GPRC5C: variants seen among roughly 807,000 people sequenced by gnomAD.
GPRC5C encodes the protein G protein-coupled receptor family C group 5 member C.
In GPRC5C, 22 loss-of-function variants were observed where a neutral mutation model predicts 31.4. That is an observed-to-expected ratio of 0.70 (90% confidence interval 0.50 to 1.00). The LOEUF (loss-of-function observed/expected upper bound fraction) is 1.00, where lower values mean the gene tolerates loss of function less well. Ranked by LOEUF, GPRC5C falls within the 50% of genes least tolerant of loss-of-function variation. GPRC5C has a pLI of 0.00. For synonymous variants in GPRC5C, 249 were observed against 257.5 expected, an observed-to-expected ratio of 0.97 and a Z score of 0.32; for missense variants, 557 against 597.2, an observed-to-expected ratio of 0.93 and a Z score of 0.70.
downstream of GPRC5C, chr17:74,448,724 G>T: frequency 2.1e-6 from 1 of 486,008 alleles, no homozygotes; most frequent in Non-Finnish European, 3.9e-6. Flanking sequence ...AGGTGGGAAG[G>T]ACTAGTATTC....
At chr17:74,432,692 G>A (rs541362236) in intron 1 of GPRC5C, among the ~76,000 whole-genome samples, 1 of 152,156 alleles carries the variant, frequency 6.6e-6, no homozygotes, top group South Asian at 2.1e-4. Flanking sequence ...GGGGACTGGG[G>A]GGGTGGGGGA....
rs1259467011 is a variant in GPRC5C, at chr17:74,436,007, CA to C, written c.-32-3735del. On this transcript the variant is annotated intron_variant, in intron 1 of 3. Transcript: ENST00000392627. ...AAACTGGAATGAATGTGCCCCCCAA[CA>C]AATCGATTGCCTGTGCATTTTTGCC... Among the ~76,000 whole-genome samples, 4 of 152,186 alleles carry C rather than the reference CA, an allele frequency of 2.6e-5. No homozygotes were observed. In the South Asian group the frequency reaches 6.2e-4, roughly 24 times the overall value.
At chr17:74,444,044 C>G (rs2055587217) in intron 3 of GPRC5C, 132 bp downstream of exon 3, 1 of 664,068 alleles carries the variant, frequency 1.5e-6, no homozygotes, top group Admixed American at 2.9e-5. Context: ...GCTTCTCCAT[C>G]TGGTGCTTTT....
downstream of GPRC5C, chr17:74,448,893 CCTCT>C: frequency 7.8e-7 from 1 of 1,289,850 alleles, no homozygotes; most frequent in Non-Finnish European, 1.0e-6. Flanking sequence ...CGTCCAGCAG[CCTCT>C]CTCCGTGGCC....
intron 1 of GPRC5C, chr17:74,433,817 C>A (rs1017730583): frequency 8.0e-7 from 1 of 1,253,662 alleles, no homozygotes; most frequent in African/African-American, 1.5e-5. Flanking sequence ...AGTGCGGTAT[C>A]CTTGGCCCTG....
At chr17:74,433,689 TA>T in intron 1 of GPRC5C, 2 of 1,608,494 alleles carry the variant, frequency 1.2e-6, no homozygotes, top group South Asian at 2.2e-5. Flanking sequence ...TGCTCTGTGG[TA>T]TCCCTGGGGG....
At position 74,440,244 on chromosome 17, in the gene GPRC5C, C is replaced by G. The variant is rs2055508662; in HGVS notation, c.468C>G (p.Ile156Met). The change falls in exon 2 of 4, where the codon ATC (isoleucine) becomes ATG (methionine). Residue 156 changes from isoleucine (I) to methionine (M), a missense_variant. Transcript: ENST00000392627. The surrounding 1 kb of genome is among the most constrained non-coding windows in gnomAD (Gnocchi z 4.4). Reference protein sequence around the residue: ...RKNHGPRGWVIFTVALLLTLV... With the variant: ...RKNHGPRGWVMFTVALLLTLV... ...ACCACGGGCCCCGGGGCTGGGTGAT[C>G]TTCACTGTGGCTCTGCTGCTGACCC... 2 of 1,614,094 alleles carry G rather than the reference C, an allele frequency of 1.2e-6. No homozygotes were observed. Among genetic ancestry groups the G allele is most frequent in the Middle Eastern group, 1.6e-4 (1 of 6,084 alleles).
chr17:74,443,507 G>T (rs2055575962), intron 2 of GPRC5C: 1 of 521,450 alleles, frequency 1.9e-6, no homozygotes, highest in Non-Finnish European at 3.7e-6. Flanking sequence ...GGCGGATGGG[G>T]ATGTGGAAGT....
In GPRC5C at chr17:74,433,798, T is replaced by C. The variant is rs541319640; in HGVS notation, c.-33+1657T>C. On this transcript the variant is annotated intron_variant, in intron 1 of 3. Transcript: ENST00000392627. Reference sequence around the variant, plus strand: ...GGTTGGCCCTGTGACGCGCTGGAGCTCTCTTTCCAGTGCGGTATCCTTGGC... The same window carrying C: ...GGTTGGCCCTGTGACGCGCTGGAGCCCTCTTTCCAGTGCGGTATCCTTGGC... 6 of 1,448,490 alleles carry C rather than the reference T, an allele frequency of 4.1e-6. No individual in the cohort carries two copies. The South Asian group carries it at 6.8e-5, about 16-fold the overall frequency. The allele number at this position is 1,448,490 out of a possible 1,614,324, so 89.7% of individuals were successfully genotyped here. A position where few individuals can be genotyped will look rare whatever the true frequency, so the allele number is the denominator to read the frequency against.
At chr17:74,433,905 AGGCCT>A in intron 1 of GPRC5C, 1 of 742,370 alleles carries the variant, frequency 1.3e-6, no homozygotes, top group South Asian at 1.4e-5. Context: ...AGAAGTGAGA[AGGCCT>A]GGCTGTCTCC....
chr17:74,440,148 G>A lies in GPRC5C; in HGVS notation c.372G>A (p.Gly124=), dbSNP rs201148188. 6 of 1,614,170 alleles carry A rather than the reference G, an allele frequency of 3.7e-6. No homozygotes were observed. Among genetic ancestry groups the A allele is most frequent in the Middle Eastern group, 1.6e-4 (1 of 6,062 alleles). ...GTGCCTCTCGGCGCTTCCTCTTTGG[G>A]GTTCTGTTCGCCATCTGCTTCTCTT... ...STCASRRFLF[G]VLFAICFSCL... The change falls in exon 2 of 4, where the codon GGG becomes GGA. Residue 124 remains glycine (G), a synonymous_variant. Transcript: ENST00000392627. This position sits in a 1 kb window ranked among gnomAD's most constrained non-coding sequence, Gnocchi z 4.4.
intron 1 of GPRC5C, among the ~76,000 whole-genome samples, chr17:74,439,206 T>C (rs1423180952): frequency 2.0e-5 from 3 of 152,204 alleles, no homozygotes; most frequent in African/African-American, 7.2e-5. Flanking sequence ...GTCTCTTCAT[T>C]TTTCCTGGCT....
downstream of GPRC5C, chr17:74,450,221 G>T (rs1007265923): frequency 2.0e-5 from 3 of 152,328 alleles, no homozygotes; most frequent in African/African-American, 7.2e-5. Flanking sequence ...GGCATCTGGG[G>T]TTCAAGGTGG....
intron 3 of GPRC5C, 96 bp downstream of exon 3, chr17:74,444,008 G>A: frequency 1.2e-6 from 1 of 826,060 alleles, no homozygotes; most frequent in Non-Finnish European, 2.0e-6. Context: ...GAGCTGGGTT[G>A]GGTGGAGGTG....
At chr17:74,449,263 T>C (rs1020046065), downstream of GPRC5C, 10 of 814,376 alleles carry the variant, frequency 1.2e-5, no homozygotes, top group Non-Finnish European at 1.8e-5. Flanking sequence ...ACACTATTTT[T>C]AAGTAAAAAC....
intron 1 of GPRC5C, chr17:74,432,523 G>A: frequency 9.9e-7 from 1 of 1,006,010 alleles, no homozygotes; most frequent in East Asian, 1.0e-4. Flanking sequence ...GCGAGTCCCA[G>A]GTAAGGGCTG....
intron 3 of GPRC5C, chr17:74,446,008 TA>T (rs2055628132): frequency 7.0e-5 from 2 of 28,622 alleles, no homozygotes; most frequent in African/African-American, 5.4e-4. Flanking sequence ...CCACCATCTC[TA>T]CAAAAAAAAA....
chr17:74,438,066 G>A (rs552037943), intron 1 of GPRC5C, among the ~76,000 whole-genome samples: 158 of 149,318 alleles, frequency 1.1e-3, no homozygotes, highest in African/African-American at 3.5e-3. Context: ...AAACAGTCTC[G>A]CTCTGTTGCC....
chr17:74,441,159 C>A (rs1454006043), intron 2 of GPRC5C, among the ~76,000 whole-genome samples: 1 of 151,976 alleles, frequency 6.6e-6, no homozygotes, highest in Non-Finnish European at 1.5e-5. Flanking sequence ...TGCCTGTGAT[C>A]TCAGCTACTC....
Sources: allele counts gnomAD v4.1 joint callset (sites outside exome capture counted in the v4.1 genomes callset), GRCh38; gene constraint gnomAD v4.1.1; non-coding constraint Gnocchi (gnomAD v3.1); transcripts MANE v1.5; gene names NCBI Gene and HGNC (gene_info 2026-07-23, HGNC 2026-07-21).